Variants in UVRAG observed in about 807,000 individuals in gnomAD.
UVRAG encodes UV radiation resistance associated.
Under a neutral mutation model 78.0 loss-of-function variants are expected in UVRAG, and 19 were observed. That is an observed-to-expected ratio of 0.24 (90% CI 0.17 to 0.36). The LOEUF (loss-of-function observed/expected upper bound fraction) is 0.36, where lower values mean the gene tolerates loss of function less well. UVRAG is among the 10% of genes least tolerant of loss of function. UVRAG has a pLI of 1.00. For synonymous variants in UVRAG, 323 were observed against 324.6 expected, an observed-to-expected ratio of 1.00 and a Z score of 0.05; for missense variants, 740 against 853.8, an observed-to-expected ratio of 0.87 and a Z score of 1.66.
chr11:75,988,274 T>C (rs1949539761), intron 8 of UVRAG, among the ~76,000 whole-genome samples: 1 of 152,232 alleles, frequency 6.6e-6, no homozygotes, highest in Non-Finnish European at 1.5e-5. Flanking sequence ...TGTAGTCAGT[T>C]CTTTCCTCCA....
chr11:76,109,035 G>A (rs772873957), intron 13 of UVRAG, among the ~76,000 whole-genome samples: 3 of 152,112 alleles, frequency 2.0e-5, no homozygotes, highest in Admixed American at 6.5e-5. Context: ...CTGTTTTGGT[G>A]GTGGCGGTGC....
chr11:75,922,358 GA>G lies in UVRAG; in HGVS notation c.593+10323del, dbSNP rs200021896. Among the ~76,000 whole-genome samples the G allele has an allele frequency of 4.2e-3, 635 of 152,096 alleles. 4 individuals carry two copies. Among genetic ancestry groups the G allele is most frequent in the African/African-American group, 0.015 (611 of 41,500 alleles). On this transcript the variant is annotated intron_variant, in intron 6 of 14. Transcript: ENST00000356136. ...CTTGTGTGCTTACTGCTATTATAAGGAAAAGCTATACTTCTAGGAAAATCTT... is the reference window on the plus strand; with the variant it reads ...CTTGTGTGCTTACTGCTATTATAAGGAAAGCTATACTTCTAGGAAAATCTT...
At chr11:75,922,996 A>AT (rs1004040497) in intron 6 of UVRAG, among the ~76,000 whole-genome samples, 18 of 141,724 alleles carry the variant, frequency 1.3e-4, no homozygotes, top group Non-Finnish European at 2.6e-4. Flanking sequence ...ATATACATAT[A>AT]TTTTTTCATA....
chr11:75,999,250 A>T (rs112212376), intron 8 of UVRAG, among the ~76,000 whole-genome samples: 5 of 147,422 alleles, frequency 3.4e-5, no homozygotes, highest in African/African-American at 5.0e-5. Context: ...AAAAAAAAAA[A>T]AGTCAACTTT....
chr11:75,912,164 T>C (rs1017924440), intron 6 of UVRAG, 125 bp downstream of exon 6: 4 of 663,170 alleles, frequency 6.0e-6, no homozygotes, highest in Non-Finnish European at 7.8e-6. Flanking sequence ...CATTTTTTAG[T>C]GCAAGCGTCA....
At chr11:76,024,626 A>C (rs1950298933) in intron 12 of UVRAG, among the ~76,000 whole-genome samples, 1 of 152,156 alleles carries the variant, frequency 6.6e-6, no homozygotes, top group Non-Finnish European at 1.5e-5. Context: ...TTTACAATTG[A>C]TGCTGTCTTA....
At chr11:76,056,389 G>A (rs1950985180) in intron 12 of UVRAG, among the ~76,000 whole-genome samples, 1 of 152,210 alleles carries the variant, frequency 6.6e-6, no homozygotes, top group African/African-American at 2.4e-5. Flanking sequence ...TACATCATAG[G>A]ATAAGTGTAT....
At chr11:76,033,859 A>G (rs1302697764) in intron 12 of UVRAG, among the ~76,000 whole-genome samples, 1 of 152,182 alleles carries the variant, frequency 6.6e-6, no homozygotes, top group African/African-American at 2.4e-5. Context: ...TAGTGAGCAC[A>G]TAGAGGAAGA....
At chr11:75,861,918 T>C (rs1443908739) in intron 3 of UVRAG, 138 bp downstream of exon 3, 5 of 710,966 alleles carry the variant, frequency 7.0e-6, no homozygotes, top group African/African-American at 1.8e-5. Context: ...TAAATCATCA[T>C]TGTTTTGTTC....
chr11:75,987,985 G>T (rs188835703), intron 8 of UVRAG, among the ~76,000 whole-genome samples: 6 of 152,208 alleles, frequency 3.9e-5, no homozygotes, highest in Admixed American at 3.3e-4. Flanking sequence ...TGATCTGCCC[G>T]CCTTGGCCTC....
At chr11:76,008,892 T>C in intron 11 of UVRAG, 25 bp downstream of exon 11, 1 of 1,262,740 alleles carries the variant, frequency 7.9e-7, no homozygotes, top group African/African-American at 1.5e-5. Context: ...ATTTTGAAGA[T>C]TTGTTATATA....
At chr11:75,892,837 C>G (rs1590984344) in intron 5 of UVRAG, among the ~76,000 whole-genome samples, 1 of 152,238 alleles carries the variant, frequency 6.6e-6, no homozygotes, top group South Asian at 2.1e-4. Context: ...TGAGACCTTC[C>G]TCAGCACCAA....
intron 1 of UVRAG, among the ~76,000 whole-genome samples, chr11:75,845,205 T>C (rs1305967488): frequency 6.6e-6 from 1 of 152,218 alleles, no homozygotes; most frequent in East Asian, 1.9e-4. Context: ...AGGTAGTGTT[T>C]CAAATATTTT....
intron 12 of UVRAG, among the ~76,000 whole-genome samples, chr11:76,065,014 G>C (rs1326108463): frequency 6.6e-6 from 1 of 152,122 alleles, no homozygotes; most frequent in Non-Finnish European, 1.5e-5. Context: ...TTCATTTGCA[G>C]GTGTAAAGAA....
intron 13 of UVRAG, among the ~76,000 whole-genome samples, chr11:76,078,752 C>CAAAAAAA (rs61700855): frequency 7.5e-4 from 28 of 37,200 alleles, no homozygotes; most frequent in African/African-American, 1.6e-3. Flanking sequence ...ACTAAAAATA[C>CAAAAAAA]AAAAAAAAAA....
At chr11:75,931,538 A>C (rs1301930542) in intron 6 of UVRAG, among the ~76,000 whole-genome samples, 4 of 152,186 alleles carry the variant, frequency 2.6e-5, no homozygotes, top group African/African-American at 9.7e-5. Flanking sequence ...ATCTGCATAC[A>C]ATTTTTAAAA....
At chr11:75,916,082 C>T (rs1947846412) in intron 6 of UVRAG, 1 of 152,034 alleles carries the variant, frequency 6.6e-6, no homozygotes, top group Non-Finnish European at 1.5e-5. Flanking sequence ...AGTAATAATT[C>T]TGGTTTTTTT....
intron 13 of UVRAG, among the ~76,000 whole-genome samples, chr11:76,097,118 C>T (rs1460632304): frequency 1.3e-5 from 2 of 152,152 alleles, no homozygotes; most frequent in Admixed American, 6.5e-5. Context: ...GTCTCCAGAA[C>T]ATTGCGTTTC....
intron 12 of UVRAG, among the ~76,000 whole-genome samples, chr11:76,058,698 A>G (rs547604836): frequency 1.3e-5 from 2 of 152,332 alleles, no homozygotes; most frequent in East Asian, 3.9e-4. Context: ...TTAATGCACT[A>G]CCACCAGAGC....
Sources: gnomAD v4.1 joint callset for allele counts (sites outside exome capture counted in the v4.1 genomes callset) on GRCh38, gnomAD v4.1.1 for gene constraint, MANE v1.5 for transcripts, NCBI Gene and HGNC (gene_info 2026-07-23, HGNC 2026-07-21) for gene names.